Variants in CDH18 observed in about 807,000 individuals in gnomAD.
CDH18 encodes cadherin 18.
In CDH18, 31 loss-of-function variants were observed where a neutral mutation model predicts 67.9. The observed-to-expected ratio is 0.46, with a 90% confidence interval of 0.34 to 0.62. The LOEUF (loss-of-function observed/expected upper bound fraction) is 0.62, where lower values mean the gene tolerates loss of function less well. Ranked by LOEUF, CDH18 falls within the 20% of genes least tolerant of loss-of-function variation. The pLI, the probability that CDH18 is intolerant of heterozygous loss-of-function variation, is 0.01. For synonymous variants in CDH18, 362 were observed against 347.2 expected, an observed-to-expected ratio of 1.04 and a Z score of -0.48; for missense variants, 890 against 975.5, an observed-to-expected ratio of 0.91 and a Z score of 1.17.
chr5:19,783,136 A>G (rs935609617), intron 3 of CDH18, among the ~76,000 whole-genome samples: 6 of 152,164 alleles, frequency 3.9e-5, no homozygotes, highest in African/African-American at 1.4e-4. Context: ...ATCCTGATAA[A>G]GCCTTTTTGC....
chr5:19,523,200 A>T (rs1373534534), intron 9 of CDH18, among the ~76,000 whole-genome samples: 1 of 152,200 alleles, frequency 6.6e-6, no homozygotes, highest in African/African-American at 2.4e-5. Flanking sequence ...CATGTTTTAA[A>T]TTATTAAAGA....
At chr5:19,861,249 T>C (rs544671015) in intron 2 of CDH18, among the ~76,000 whole-genome samples, 1 of 151,170 alleles carries the variant, frequency 6.6e-6, no homozygotes, top group South Asian at 2.1e-4. Context: ...CTTTAATTTT[T>C]CCTTTGGCAT....
intron 3 of CDH18, among the ~76,000 whole-genome samples, chr5:19,755,405 C>A (rs1771405577): frequency 9.5e-6 from 1 of 105,248 alleles, no homozygotes; most frequent in Non-Finnish European, 2.0e-5. Flanking sequence ...TCAGTGTTCT[C>A]TAGAGGGACA....
intron 1 of CDH18, among the ~76,000 whole-genome samples, chr5:20,325,276 A>T (rs1461422646): frequency 6.6e-6 from 1 of 152,168 alleles, no homozygotes; most frequent in Non-Finnish European, 1.5e-5. Context: ...GAACCCTTCC[A>T]TCCTCTTAGC....
chr5:20,245,297 A>G (rs2126569021), intron 2 of CDH18, among the ~76,000 whole-genome samples: 1 of 152,266 alleles, frequency 6.6e-6, no homozygotes, highest in Non-Finnish European at 1.5e-5. Flanking sequence ...AAGAGGTTCT[A>G]AATCATTTTT....
chr5:20,377,672 T>C (rs995157416), intron 1 of CDH18, among the ~76,000 whole-genome samples: 6 of 152,214 alleles, frequency 3.9e-5, no homozygotes, highest in African/African-American at 7.2e-5. Context: ...GAGTAAAATA[T>C]GTTAATCATG....
chr5:20,568,400 T>C (rs1037543804), intron 1 of CDH18, among the ~76,000 whole-genome samples: 10 of 152,306 alleles, frequency 6.6e-5, no homozygotes, highest in Middle Eastern at 3.4e-3. Flanking sequence ...GAAAACTTTA[T>C]TAAGTAATGT....
chr5:20,201,627 G>GTAT (rs1167685900), intron 2 of CDH18, among the ~76,000 whole-genome samples: 5 of 151,854 alleles, frequency 3.3e-5, no homozygotes, highest in African/African-American at 1.2e-4. Flanking sequence ...CTAGAAACCA[G>GTAT]TATTATATGA....
chr5:19,656,599 G>A (rs1397646940), intron 5 of CDH18, among the ~76,000 whole-genome samples: 1 of 152,080 alleles, frequency 6.6e-6, no homozygotes, highest in Non-Finnish European at 1.5e-5. Context: ...TATATAAAAT[G>A]TCAGGTGGGA....
intron 5 of CDH18, among the ~76,000 whole-genome samples, chr5:19,630,193 C>T (rs1462562166): frequency 6.6e-6 from 1 of 152,076 alleles, no homozygotes; most frequent in Non-Finnish European, 1.5e-5. Context: ...CCACCAGCCT[C>T]GGCCTCCCAA....
At chr5:19,674,697 A>G (rs1354168125) in intron 5 of CDH18, among the ~76,000 whole-genome samples, 1 of 152,158 alleles carries the variant, frequency 6.6e-6, no homozygotes, top group Admixed American at 6.6e-5. Flanking sequence ...GCATATAAAT[A>G]AAACTTTATT....
chr5:19,810,724 T>C (rs2149892632), intron 3 of CDH18, among the ~76,000 whole-genome samples: 1 of 152,078 alleles, frequency 6.6e-6, no homozygotes, highest in Middle Eastern at 3.4e-3. Context: ...ATAGTGCATA[T>C]GAAAAAAGCA....
At chr5:19,913,540 G>T (rs975321096) in intron 2 of CDH18, among the ~76,000 whole-genome samples, 2 of 152,090 alleles carry the variant, frequency 1.3e-5, no homozygotes, top group African/African-American at 4.8e-5. Flanking sequence ...TATCACCGTT[G>T]CAAACCTGAT....
chr5:19,894,275 A>G (rs1369744556), intron 2 of CDH18, among the ~76,000 whole-genome samples: 3 of 152,042 alleles, frequency 2.0e-5, no homozygotes, highest in Admixed American at 1.3e-4. Context: ...CCACTTGACT[A>G]TTTGGATGCC....
At chr5:20,534,161 G>A (rs933462585) in intron 1 of CDH18, among the ~76,000 whole-genome samples, 1 of 151,908 alleles carries the variant, frequency 6.6e-6, no homozygotes, top group African/African-American at 2.4e-5. Context: ...ATTTGCAAAT[G>A]GCACATTCAA....
At chr5:19,494,536 C>T (rs1741978945) in intron 11 of CDH18, among the ~76,000 whole-genome samples, 1 of 152,138 alleles carries the variant, frequency 6.6e-6, no homozygotes, top group South Asian at 2.1e-4. Flanking sequence ...TTAATAGTTT[C>T]CATTTGAATT....
chr5:20,381,437 G>C (rs1234599248), intron 1 of CDH18, among the ~76,000 whole-genome samples: 1 of 152,064 alleles, frequency 6.6e-6, no homozygotes, highest in Non-Finnish European at 1.5e-5. Flanking sequence ...AAGGGTCATT[G>C]CATCAACCAA....
At chr5:20,373,660 T>C (rs1399894092) in intron 1 of CDH18, among the ~76,000 whole-genome samples, 2 of 151,630 alleles carry the variant, frequency 1.3e-5, no homozygotes, top group Admixed American at 6.6e-5. Flanking sequence ...AATAAATAAA[T>C]AAATAAATAC....
At chr5:19,826,727 A>G (rs539970781) in intron 3 of CDH18, among the ~76,000 whole-genome samples, 411 of 152,324 alleles carry the variant, frequency 2.7e-3, no homozygotes, top group Non-Finnish European at 4.6e-3. Flanking sequence ...GGAGGTCCTT[A>G]TGGGAGTGCC....
Sources: gnomAD v4.1 joint callset for allele counts (sites outside exome capture counted in the v4.1 genomes callset) on GRCh38, gnomAD v4.1.1 for gene constraint, MANE v1.5 for transcripts, NCBI Gene and HGNC (gene_info 2026-07-23, HGNC 2026-07-21) for gene names.